The following MYO3B variants were observed in gnomAD, a reference collection of about 807,000 sequenced individuals.
MYO3B encodes myosin IIIB, also known as myosin-IIIb.
A neutral mutation model predicts 174.6 loss-of-function variants in MYO3B; 156 were observed. The observed-to-expected ratio is 0.89, with a 90% CI of 0.78 to 1.02. The LOEUF (loss-of-function observed/expected upper bound fraction) is 1.02. MYO3B is among the 50% of genes least tolerant of loss of function. The pLI is 0.00. For synonymous variants in MYO3B, 563 were observed against 569.1 expected, an observed-to-expected ratio of 0.99 and a Z score of 0.15; for missense variants, 1,632 against 1,639.4, an observed-to-expected ratio of 1.00 and a Z score of 0.08.
At chr2:170,399,095 G>C (rs939565108) in intron 16 of MYO3B, among the ~76,000 whole-genome samples, 1 of 151,888 alleles carries the variant, frequency 6.6e-6, no homozygotes, top group East Asian at 1.9e-4. Flanking sequence ...ATACAAAATT[G>C]GCCGGGCGTG....
intron 22 of MYO3B, among the ~76,000 whole-genome samples, chr2:170,419,668 G>T (rs1469887984): frequency 6.6e-6 from 1 of 152,068 alleles, no homozygotes; most frequent in Non-Finnish European, 1.5e-5. Flanking sequence ...AAAGCCCAAG[G>T]ACTACTGTGG....
chr2:170,458,234 T>C (rs1213945287), intron 23 of MYO3B, among the ~76,000 whole-genome samples: 1 of 152,252 alleles, frequency 6.6e-6, no homozygotes, highest in Non-Finnish European at 1.5e-5. Flanking sequence ...TATGACATTA[T>C]GTCTACAACA....
chr2:170,580,718 A>ATATATATGTGTG (rs768974458), intron 32 of MYO3B, among the ~76,000 whole-genome samples: 20,960 of 142,512 alleles, frequency 0.15, 1,728 homozygotes, highest in Admixed American at 0.18. Flanking sequence ...AACCTTATAT[A>ATATATATGTGTG]TGTGTGTGTG....
intron 22 of MYO3B, among the ~76,000 whole-genome samples, chr2:170,422,103 A>T (rs909601903): frequency 2.0e-5 from 3 of 152,210 alleles, no homozygotes; most frequent in African/African-American, 7.2e-5. Context: ...AGGGGTGTGC[A>T]TTAAGAAGAG....
intron 8 of MYO3B, among the ~76,000 whole-genome samples, chr2:170,343,060 CACACACACACACACACA>C (rs2093988706): frequency 6.9e-6 from 1 of 145,954 alleles, no homozygotes; most frequent in South Asian, 2.1e-4. Context: ...CACACACACA[CACACACACACACACACA>C]CCCCTCTCCA....
Position 170,382,084 on chromosome 2 carries a change from A to T in MYO3B, c.1040A>T (p.Asp347Val), listed in dbSNP as rs538457103. 2 of 1,613,544 alleles carry T rather than the reference A, an allele frequency of 1.2e-6. No homozygotes were observed. Among genetic ancestry groups the T allele is most frequent in the African/African-American group, 2.7e-5 (2 of 75,040 alleles). ...EDAEKYCLED[D>V]LVNLEVLDED... ...GCTGAAAAATACTGCCTTGAGGATG[A>T]TTTGGTCAACCTAGAGGTTCTGGAT... The change falls in exon 10 of 35, where the codon GAT becomes GTT. Residue 347 changes from aspartate to valine, a missense_variant. By Grantham distance (152) the Asp-to-Val change is radical. Coordinates refer to ENST00000408978, the MANE Select transcript of MYO3B (RefSeq NM_138995.5).
intron 8 of MYO3B, among the ~76,000 whole-genome samples, chr2:170,336,839 T>C (rs2093950200): frequency 6.6e-6 from 1 of 152,094 alleles, no homozygotes; most frequent in African/African-American, 2.4e-5. Flanking sequence ...ATTTCAAATG[T>C]AGTATAGTTC....
chr2:170,506,680 G>GTAAAATC (rs1687641091), intron 28 of MYO3B, among the ~76,000 whole-genome samples: 2 of 152,164 alleles, frequency 1.3e-5, no homozygotes, highest in African/African-American at 2.4e-5. Context: ...ATGGAGCTCT[G>GTAAAATC]TAAAATCTAA....
At chr2:170,334,645 T>C (rs2093934689) in intron 7 of MYO3B, 1 of 152,200 alleles carries the variant, frequency 6.6e-6, no homozygotes, top group Non-Finnish European at 1.5e-5. Flanking sequence ...CACTTCTGTT[T>C]TGAAATCAGA....
chr2:170,501,692 G>T (rs182868220), intron 27 of MYO3B, 93 bp from the exon 28 acceptor site: 11 of 775,128 alleles, frequency 1.4e-5, no homozygotes, highest in Admixed American at 6.3e-5. Context: ...AGGATGAGAC[G>T]GGCAATAGGC....
At chr2:170,307,974 A>G (rs2093712232) in intron 7 of MYO3B, among the ~76,000 whole-genome samples, 1 of 152,198 alleles carries the variant, frequency 6.6e-6, no homozygotes, top group South Asian at 2.1e-4. Context: ...ATAGGAAGGC[A>G]AGACCCTTTG....
At position 170,524,701 on chromosome 2, in the gene MYO3B, C is replaced by T. The variant is rs1688893556; in HGVS notation, c.3575+5161C>T. ...GTTTTACCATGTTGGTCAGGCTGAT[C>T]TCGAACTCCTGACGTTCTAGCGATT... On this transcript the variant is annotated intron_variant, in intron 30 of 34. Coordinates refer to ENST00000408978, the MANE Select transcript of MYO3B (RefSeq NM_138995.5). 1.2e-5 allele frequency: 4 copies of T among 320,680 alleles called. No homozygotes were observed. In the Admixed American group the frequency reaches 1.8e-4, roughly 14 times the overall value. 19.9% of individuals were successfully genotyped at this position (320,680 alleles called of 1,614,324 possible). A position where few individuals can be genotyped will look rare whatever the true frequency, so the allele number is the denominator to read the frequency against.
chr2:170,451,549 T>C (rs1683593313), intron 23 of MYO3B, among the ~76,000 whole-genome samples: 1 of 152,252 alleles, frequency 6.6e-6, no homozygotes, highest in African/African-American at 2.4e-5. Flanking sequence ...TCTTTAAAAT[T>C]GTCTTTATTT....
chr2:170,373,885 A>T (rs1160111808), intron 9 of MYO3B, among the ~76,000 whole-genome samples: 1 of 152,004 alleles, frequency 6.6e-6, no homozygotes. Context: ...TGTGGACTCC[A>T]GGGAATCGTT....
rs561432448 is a variant in MYO3B, at chr2:170,578,738, A to T, written c.3733+34750A>T. Among the ~76,000 whole-genome samples, 29 of 152,356 alleles carry T rather than the reference A, an allele frequency of 1.9e-4. 1 individual carries two copies. The highest frequency in any genetic ancestry group is 3.4e-4 in the Non-Finnish European group (23 of 68,028). On this transcript the variant is annotated intron_variant, in intron 32 of 34. Transcript: ENST00000408978. Reference sequence around the variant, plus strand: ...TGTTCACTGTGAAACTTGCTTTAACAAGTAGATATTGTGGTCTAAGTGAAC... The same window carrying T: ...TGTTCACTGTGAAACTTGCTTTAACTAGTAGATATTGTGGTCTAAGTGAAC...
At chr2:170,651,937 G>A (rs577077925) in intron 33 of MYO3B, among the ~76,000 whole-genome samples, 171 bp from the exon 34 acceptor site, 34 of 148,692 alleles carry the variant, frequency 2.3e-4, no homozygotes, top group African/African-American at 7.5e-4. Context: ...TATCAAAGAC[G>A]AGCAAGATGC....
chr2:170,237,223 G>A (rs1449303937), intron 7 of MYO3B, among the ~76,000 whole-genome samples: 1 of 152,166 alleles, frequency 6.6e-6, no homozygotes, highest in Non-Finnish European at 1.5e-5. Flanking sequence ...ATATAAGAAT[G>A]CAGGAGCTAA....
At chr2:170,383,231 T>G in intron 11 of MYO3B, 42 bp downstream of exon 11, 1 of 1,227,398 alleles carries the variant, frequency 8.1e-7, no homozygotes, top group Non-Finnish European at 1.2e-6. Flanking sequence ...TAATAGGAAA[T>G]TAAAACTCAC....
intron 7 of MYO3B, among the ~76,000 whole-genome samples, chr2:170,274,594 G>A (rs1443932275): frequency 6.6e-6 from 1 of 152,124 alleles, no homozygotes; most frequent in Non-Finnish European, 1.5e-5. Flanking sequence ...GAAAGGCATA[G>A]GGTTGTGTGA....
Sources: gnomAD v4.1 joint callset for allele counts (sites outside exome capture counted in the v4.1 genomes callset) on GRCh38, gnomAD v4.1.1 for gene constraint, MANE v1.5 for transcripts, NCBI Gene and HGNC (gene_info 2026-07-23, HGNC 2026-07-21) for gene names.